The following SLC6A5 variants were observed in gnomAD, a reference collection of about 807,000 sequenced individuals.
The protein encoded by SLC6A5 is solute carrier family 6 member 5.
Under a neutral mutation model 90.5 loss-of-function variants are expected in SLC6A5, and 58 were observed. That is an observed-to-expected ratio of 0.64 (90% CI 0.52 to 0.80). SLC6A5 has a LOEUF of 0.80. SLC6A5 is among the 30% of genes least tolerant of loss of function. The probability of loss-of-function intolerance (pLI) is 0.00; values close to 1 mark genes in which losing one functional copy is unlikely to be tolerated. For missense variants in SLC6A5, 1,015 were observed against 1,017.6 expected (o/e 1.00, Z 0.03); for synonymous variants, 427 against 401.4 (o/e 1.06, Z -0.76).
Position 20,630,830 on chromosome 11 carries a change from T to A in SLC6A5, c.1624+15T>A. 6.2e-7 allele frequency: 1 copy of A among 1,613,984 alleles called. No homozygotes were observed. Among genetic ancestry groups the A allele is most frequent in the Non-Finnish European group, 8.5e-7 (1 of 1,179,830 alleles). On this transcript the variant is annotated intron_variant, in intron 10 of 15. Transcript: ENST00000525748. ...GGCAGACCAAGGTACAGGACAGTTGTTACCCTGCTGTTGCAGGGCAGGTCC... is the reference window on the plus strand; with the variant it reads ...GGCAGACCAAGGTACAGGACAGTTGATACCCTGCTGTTGCAGGGCAGGTCC...
chr11:20,658,844 GTC>G lies in SLC6A5; in HGVS notation c.*3981_*3982del, dbSNP rs1403766002. ...TTAGTAATTGACTAAAAACTGTTTT[GTC>G]TCTCATTTGTTTGTGGTTTTTGCAC... On this transcript the variant is annotated 3_prime_UTR_variant, in exon 16 of 16. Transcript: ENST00000525748. 3 of 151,984 alleles carry G rather than the reference GTC, an allele frequency of 2.0e-5. No individual in the cohort carries two copies. Among genetic ancestry groups the G allele is most frequent in the African/African-American group, 7.3e-5 (3 of 41,378 alleles). 9.4% of individuals were successfully genotyped at this position (151,984 alleles called of 1,614,324 possible).
intron 2 of SLC6A5, among the ~76,000 whole-genome samples, chr11:20,603,406 T>C (rs1443550): frequency 0.98 from 149,922 of 152,264 alleles, 73,858 homozygotes; most frequent in Middle Eastern, 1. Flanking sequence ...AGAAATGAGC[T>C]TCAAAGATTC....
intron 5 of SLC6A5, among the ~76,000 whole-genome samples, chr11:20,609,673 G>T (rs1252793592): frequency 6.6e-6 from 1 of 152,166 alleles, no homozygotes; most frequent in Non-Finnish European, 1.5e-5. Context: ...GTGACTGCTG[G>T]GCAAAAGGAC....
At chr11:20,638,376 T>A in intron 12 of SLC6A5, 83 bp from the exon 13 acceptor site, 1 of 847,716 alleles carries the variant, frequency 1.2e-6, no homozygotes, top group Non-Finnish European at 2.1e-6. Flanking sequence ...TTTTTAGGAT[T>A]GAGAGAACTG....
chr11:20,614,580 A>G lies in SLC6A5; in HGVS notation c.986-99A>G, dbSNP rs889400742. ...CCTGAAGGTACTCTCCAATATTTGC[A>G]AATGTTTTTGGCATTTGTTTTTAAA... is the stretch of plus-strand genomic sequence containing the variant. On this transcript the variant is annotated intron_variant, in intron 5 of 15. Transcript: ENST00000525748. The G allele has an allele frequency of 1.8e-5, 21 of 1,144,050 alleles. No individual in the cohort carries two copies. In the Admixed American group the frequency reaches 2.4e-4, roughly 13 times the overall value. The allele number at this position is 1,144,050 out of a possible 1,614,324, so 70.9% of individuals were successfully genotyped here. A position where few individuals can be genotyped will look rare whatever the true frequency, so the allele number is the denominator to read the frequency against.
chr11:20,621,959 G>A (rs544971892), intron 7 of SLC6A5, among the ~76,000 whole-genome samples: 42 of 152,302 alleles, frequency 2.8e-4, no homozygotes, highest in Non-Finnish European at 4.7e-4. Flanking sequence ...GAGAGTTGTG[G>A]CAACCAAGCA....
intron 3 of SLC6A5, among the ~76,000 whole-genome samples, chr11:20,605,997 G>A (rs1852573307): frequency 6.6e-6 from 1 of 152,250 alleles, no homozygotes; most frequent in Non-Finnish European, 1.5e-5. Context: ...GGAGCATGAA[G>A]AGTAGACTGG....
chr11:20,622,005 CT>C (rs1430503279), intron 7 of SLC6A5, among the ~76,000 whole-genome samples: 3 of 151,904 alleles, frequency 2.0e-5, no homozygotes, highest in Admixed American at 6.5e-5. Context: ...GCTGTTGGGC[CT>C]TTACCACCTG....
rs771095068 is a variant in SLC6A5 at position 20,604,346 on chromosome 11, A to T, written c.601A>T (p.Ile201Phe). Reference sequence around the variant, plus strand: ...GAACTGGTCCAGCAAACTGGACTTCATCCTGTCCATGGTGGGGTACGCAGT... The same window carrying T: ...GAACTGGTCCAGCAAACTGGACTTCTTCCTGTCCATGGTGGGGTACGCAGT... ...RGNWSSKLDF[I>F]LSMVGYAVGL... The change falls in exon 3 of 16, where the codon ATC (isoleucine) becomes TTC (phenylalanine). Residue 201 changes from isoleucine (I) to phenylalanine (F), a missense_variant. Physicochemically the swap from Ile to Phe is conservative, Grantham distance 21. Transcript: ENST00000525748. 5 of 1,614,072 alleles carry T rather than the reference A, an allele frequency of 3.1e-6. No homozygotes were observed. The highest frequency in any genetic ancestry group is 3.4e-6 in the Non-Finnish European group (4 of 1,179,952).
At chr11:20,625,844 C>T (rs542644608) in intron 7 of SLC6A5, among the ~76,000 whole-genome samples, 45 of 152,294 alleles carry the variant, frequency 3.0e-4, no homozygotes, top group African/African-American at 1.0e-3. Flanking sequence ...TCTTAGTAGA[C>T]GCCCAGGTTG....
intron 13 of SLC6A5, among the ~76,000 whole-genome samples, chr11:20,644,525 A>G (rs1853373090): frequency 6.6e-6 from 1 of 152,242 alleles, no homozygotes; most frequent in Non-Finnish European, 1.5e-5. Flanking sequence ...AATAAACATA[A>G]GAGTGCAGAT....
chr11:20,610,617 T>C (rs1013386069), intron 5 of SLC6A5, among the ~76,000 whole-genome samples: 5 of 152,228 alleles, frequency 3.3e-5, no homozygotes, highest in African/African-American at 1.2e-4. Flanking sequence ...TCTTTAATTG[T>C]CTTCATTTAT....
At chr11:20,609,018 G>C (rs4923392) in intron 5 of SLC6A5, among the ~76,000 whole-genome samples, 8,342 of 149,906 alleles carry the variant, frequency 0.056, 626 homozygotes, top group East Asian at 0.36. Flanking sequence ...ATGTTGACTG[G>C]ATCAGGCACA....
At chr11:20,616,562 G>A (rs1852786301) in intron 6 of SLC6A5, among the ~76,000 whole-genome samples, 1 of 152,174 alleles carries the variant, frequency 6.6e-6, no homozygotes, top group Non-Finnish European at 1.5e-5. Flanking sequence ...TGGAATTGTT[G>A]ACTATATGGT....
rs987623733 is a variant in SLC6A5, at chr11:20,658,181, C to G, written c.*3313C>G. Reference sequence around the variant, plus strand: ...AGTTCTTGTTTCCTCATCTATGTGTCTCTCAGTGCTTCCTGTCCACCTTTG... The same window carrying G: ...AGTTCTTGTTTCCTCATCTATGTGTGTCTCAGTGCTTCCTGTCCACCTTTG... On this transcript the variant is annotated 3_prime_UTR_variant, in exon 16 of 16. Transcript: ENST00000525748. 3 of 152,164 alleles carry G rather than the reference C, an allele frequency of 2.0e-5. No individual in the cohort carries two copies. Among genetic ancestry groups the G allele is most frequent in the African/African-American group, 7.2e-5 (3 of 41,420 alleles). The allele number at this position is 152,164 out of a possible 1,614,324, so 9.4% of individuals were successfully genotyped here.
At chr11:20,629,508 T>C (rs1466402844) in intron 9 of SLC6A5, among the ~76,000 whole-genome samples, 2 of 152,202 alleles carry the variant, frequency 1.3e-5, no homozygotes, top group Non-Finnish European at 2.9e-5. Context: ...TTTTATTATT[T>C]TTAAATGACA....
chr11:20,633,521 C>T (rs1489689193), intron 10 of SLC6A5, among the ~76,000 whole-genome samples: 2 of 152,130 alleles, frequency 1.3e-5, no homozygotes, highest in Non-Finnish European at 2.9e-5. Flanking sequence ...GTGCCATGGG[C>T]CTTGATGCAT....
At chr11:20,643,015 T>G (rs556683687) in intron 13 of SLC6A5, among the ~76,000 whole-genome samples, 1 of 152,166 alleles carries the variant, frequency 6.6e-6, no homozygotes, top group Non-Finnish European at 1.5e-5. Context: ...CAGCTCTTTA[T>G]CCCCTCTCGG....
chr11:20,652,164 A>G, intron 14 of SLC6A5, 125 bp from the exon 15 acceptor site: 1 of 850,586 alleles, frequency 1.2e-6, no homozygotes, highest in Non-Finnish European at 2.0e-6. Context: ...TAATAATACT[A>G]CTCTTTCGTG....
Sources: gnomAD v4.1 joint callset for allele counts (sites outside exome capture counted in the v4.1 genomes callset) on GRCh38, gnomAD v4.1.1 for gene constraint, MANE v1.5 for transcripts, NCBI Gene and HGNC (gene_info 2026-07-23, HGNC 2026-07-21) for gene names.